The following SLCO1C1 variants were observed in gnomAD, a reference collection of about 807,000 sequenced individuals.
SLCO1C1 encodes the protein OAT-RP-5.
SLCO1C1 carries 70 observed loss-of-function variants against 76.4 expected under a neutral mutation model. That is an observed-to-expected ratio of 0.92 (90% CI 0.76 to 1.12). SLCO1C1 has a LOEUF of 1.12. Among genes scored for constraint, SLCO1C1 ranks in the 50% most tolerant of loss-of-function variants. The pLI, the probability that SLCO1C1 is intolerant of heterozygous loss-of-function variation, is 0.00. For synonymous variants in SLCO1C1, 306 were observed against 286.1 expected, an observed-to-expected ratio of 1.07 and a Z score of -0.70; for missense variants, 912 against 823.8, an observed-to-expected ratio of 1.11 and a Z score of -1.31.
chr12:20,707,451 A>T (rs1946836651), intron 4 of SLCO1C1, among the ~76,000 whole-genome samples: 1 of 152,132 alleles, frequency 6.6e-6, no homozygotes, highest in African/African-American at 2.4e-5. Context: ...GTCACATAGG[A>T]TAGATAAATC....
intron 3 of SLCO1C1, among the ~76,000 whole-genome samples, chr12:20,705,240 A>G (rs575773493): frequency 5.9e-5 from 9 of 152,042 alleles, no homozygotes; most frequent in Admixed American, 5.9e-4. Context: ...AAAAAACCCA[A>G]TATTTTTAAA....
At position 20,752,402 on chromosome 12, in the gene SLCO1C1, A is replaced by G; in HGVS notation, c.2013A>G (p.Lys671=). 1 of 1,613,352 alleles carries G rather than the reference A, an allele frequency of 6.2e-7. No homozygotes were observed. The highest frequency in any genetic ancestry group is 8.5e-7 in the Non-Finnish European group (1 of 1,179,486). Residue 671 remains lysine, a synonymous_variant, in exon 15 of 15, where the codon AAA becomes AAG. Coordinates refer to ENST00000266509, the MANE Select transcript of SLCO1C1 (RefSeq NM_017435.5). ...TTTTAAAGAAAAATTATGTTTCAAA[A>G]CACAGAAGTTTTATAACCAAGAGAG... is the stretch of plus-strand genomic sequence containing the variant. The part of the protein sequence containing the change: ...LFILKKNYVS[K]HRSFITKRER...
chr12:20,712,785 A>G (rs1452968638), intron 5 of SLCO1C1, among the ~76,000 whole-genome samples: 1 of 152,154 alleles, frequency 6.6e-6, no homozygotes, highest in Non-Finnish European at 1.5e-5. Flanking sequence ...CCAAAGGACT[A>G]AAAACATATG....
chr12:20,704,183 T>C (rs145428879), intron 3 of SLCO1C1, among the ~76,000 whole-genome samples: 1 of 151,436 alleles, frequency 6.6e-6, no homozygotes, highest in East Asian at 1.9e-4. Context: ...TCCTGACAAC[T>C]CAGAAAGGAT....
chr12:20,711,344 T>C, intron 4 of SLCO1C1, 42 bp from the exon 5 acceptor site: 1 of 1,595,588 alleles, frequency 6.3e-7, no homozygotes, highest in East Asian at 2.2e-5. Flanking sequence ...CTTAGTATGA[T>C]GTTAATGAGT....
At chr12:20,712,377 G>A (rs1947150901) in intron 5 of SLCO1C1, among the ~76,000 whole-genome samples, 1 of 152,136 alleles carries the variant, frequency 6.6e-6, no homozygotes, top group African/African-American at 2.4e-5. Flanking sequence ...GTAGAGTCTT[G>A]CCTCCTGCCT....
rs755614896 is a variant in SLCO1C1, at chr12:20,723,072, G to A, written c.1022-18G>A. On this transcript the variant is annotated intron_variant, in intron 8 of 14. Coordinates refer to ENST00000266509, the MANE Select transcript of SLCO1C1 (RefSeq NM_017435.5). ...GTGACACCAACTTTAATTAGTCTAT[G>A]TTATTTTTGTTTTACAGATTTTCTT... 4 of 1,601,132 alleles carry A rather than the reference G, an allele frequency of 2.5e-6. No homozygotes were observed. In the African/African-American group the frequency reaches 5.4e-5, roughly 22 times the overall value.
At chr12:20,737,365 G>A in intron 11 of SLCO1C1, 93 bp downstream of exon 11, 4 of 1,295,096 alleles carry the variant, frequency 3.1e-6, no homozygotes, top group Non-Finnish European at 4.1e-6. Context: ...ACTACTAGTA[G>A]GAGGCTTGCC....
rs969181651 is a variant in SLCO1C1 at position 20,740,119 on chromosome 12, A to G, written c.1549-65A>G. ...CATGGCTACGGTAAACATTTTTAAC[A>G]TAACTGTCTTTAACTTTATTTAAAT... On this transcript the variant is annotated intron_variant, in intron 11 of 14. Coordinates refer to ENST00000266509, the MANE Select transcript of SLCO1C1 (RefSeq NM_017435.5). The G allele has an allele frequency of 6.3e-6, 9 of 1,422,530 alleles. No homozygotes were observed. In the African/African-American group the frequency reaches 1.0e-4, roughly 16 times the overall value. The allele number at this position is 1,422,530 out of a possible 1,614,324, so 88.1% of individuals were successfully genotyped here.
At chr12:20,701,575 T>TTA in intron 3 of SLCO1C1, 116 bp downstream of exon 3, 1 of 896,762 alleles carries the variant, frequency 1.1e-6, no homozygotes. Context: ...ATAAAATCTT[T>TTA]TTTTTTTTTT....
At chr12:20,742,333 G>GTTTTTTTTTTT (rs56873865) in intron 12 of SLCO1C1, among the ~76,000 whole-genome samples, 1 of 145,088 alleles carries the variant, frequency 6.9e-6, no homozygotes, top group African/African-American at 2.6e-5. Flanking sequence ...GAAAAGTCAT[G>GTTTTTTTTTTT]TTTTTTTTTT....
intron 5 of SLCO1C1, among the ~76,000 whole-genome samples, chr12:20,712,883 GA>G (rs1173311154): frequency 1.3e-5 from 2 of 152,166 alleles, no homozygotes; most frequent in Non-Finnish European, 2.9e-5. Flanking sequence ...ACTCATTCTA[GA>G]CAAAGAGGAG....
intron 10 of SLCO1C1, among the ~76,000 whole-genome samples, chr12:20,735,724 A>G (rs1948506273): frequency 6.6e-6 from 1 of 152,140 alleles, no homozygotes; most frequent in Admixed American, 6.6e-5. Context: ...GAAGTATTAC[A>G]CTGATTAAGA....
At chr12:20,713,802 A>G (rs966864) in intron 5 of SLCO1C1, among the ~76,000 whole-genome samples, 108,358 of 152,086 alleles carry the variant, frequency 0.71, 40,155 homozygotes, top group East Asian at 0.96. Context: ...TGTGACAGAG[A>G]AAGTGAATTT....
intron 13 of SLCO1C1, among the ~76,000 whole-genome samples, chr12:20,745,530 A>G (rs965943658): frequency 6.6e-6 from 1 of 152,156 alleles, no homozygotes; most frequent in African/African-American, 2.4e-5. Flanking sequence ...AGTATAAAAT[A>G]AAAAAATTCA....
chr12:20,708,136 G>C (rs1470313167), intron 4 of SLCO1C1, among the ~76,000 whole-genome samples: 2 of 152,028 alleles, frequency 1.3e-5, no homozygotes, highest in Non-Finnish European at 2.9e-5. Context: ...TCCAAAATAT[G>C]ATTTTCGTTC....
At chr12:20,721,532 G>C (rs943958834) in intron 7 of SLCO1C1, among the ~76,000 whole-genome samples, 5 of 151,966 alleles carry the variant, frequency 3.3e-5, no homozygotes, top group Admixed American at 3.3e-4. Flanking sequence ...CTACAGTATA[G>C]TTAAACATAA....
At chr12:20,744,506 T>C (rs1191770427) in intron 13 of SLCO1C1, among the ~76,000 whole-genome samples, 1 of 151,944 alleles carries the variant, frequency 6.6e-6, no homozygotes, top group Non-Finnish European at 1.5e-5. Flanking sequence ...AGTAGAAAAA[T>C]GAGCAAAAGA....
chr12:20,717,129 C>T lies in SLCO1C1; in HGVS notation c.677-3C>T, dbSNP rs777040750. 8.8e-6 allele frequency: 14 copies of T among 1,592,926 alleles called. No homozygotes were observed. The highest frequency in any genetic ancestry group is 5.8e-5 in the South Asian group (5 of 86,882). On this transcript the variant is annotated splice_region_variant and splice_polypyrimidine_tract_variant and intron_variant, in intron 6 of 14. Coordinates refer to ENST00000266509, the MANE Select transcript of SLCO1C1 (RefSeq NM_017435.5). Reference sequence around the variant, plus strand: ...TTTTTTTCCTTTTCTTTTCTTGGTGCAGGGTGTGTGCAGACGGTTGCAATT... The same window carrying T: ...TTTTTTTCCTTTTCTTTTCTTGGTGTAGGGTGTGTGCAGACGGTTGCAATT...
Sources: allele counts gnomAD v4.1 joint callset (sites outside exome capture counted in the v4.1 genomes callset), GRCh38; gene constraint gnomAD v4.1.1; transcripts MANE v1.5; gene names NCBI Gene and HGNC (gene_info 2026-07-23, HGNC 2026-07-21).